WIPF1: variants seen among roughly 807,000 people sequenced by gnomAD.
WIPF1 encodes WAS/WASL-interacting protein family member 1.
In WIPF1, 13 loss-of-function variants were observed where a neutral mutation model predicts 35.4. The ratio of observed to expected loss-of-function variants is 0.37; its 90% CI spans 0.24 to 0.58. WIPF1 has a LOEUF of 0.58. Ranked by LOEUF, WIPF1 falls within the 20% of genes least tolerant of loss-of-function variation. The probability of loss-of-function intolerance (pLI) is 0.74; values close to 1 mark genes in which losing one functional copy is unlikely to be tolerated. For missense variants in WIPF1, 591 were observed against 667.0 expected (o/e 0.89, Z 1.25); for synonymous variants, 267 against 266.3 (o/e 1.00, Z -0.02).
intron 1 of WIPF1, among the ~76,000 whole-genome samples, chr2:174,670,659 G>A (rs1239833920): frequency 6.6e-6 from 1 of 152,212 alleles, no homozygotes; most frequent in Non-Finnish European, 1.5e-5. Context: ...AGCATGGTCT[G>A]CTGCTGAGCC....
chr2:174,624,732 G>C (rs1016593938), intron 1 of WIPF1, among the ~76,000 whole-genome samples: 38 of 152,310 alleles, frequency 2.5e-4, no homozygotes, highest in African/African-American at 8.4e-4. Context: ...AGAAGTCTTA[G>C]GGGTTCTGGG....
Position 174,637,917 on chromosome 2 carries a change from G to A in WIPF1, c.-39+44857C>T, listed in dbSNP as rs550908936. ...ACATATTTTTAACATTCCTGGAATC[G>A]AAGTGCACACTTAATGTCATGTCTT... is the stretch of plus-strand genomic sequence containing the variant. On this transcript the variant is annotated intron_variant, in intron 1 of 8. Coordinates refer to the WIPF1 transcript ENST00000272746. Among the ~76,000 whole-genome samples the A allele has an allele frequency of 2.4e-4, 37 of 152,286 alleles. 1 individual carries two copies. The highest frequency in any genetic ancestry group is 8.7e-4 in the African/African-American group (36 of 41,552).
rs560801075 is a variant in WIPF1 at position 174,649,540 on chromosome 2, A to G, written c.-39+33234T>C. Among the ~76,000 whole-genome samples, 3 of 152,074 alleles carry G rather than the reference A, an allele frequency of 2.0e-5. No individual in the cohort carries two copies. The East Asian group carries it at 5.8e-4, about 29-fold the overall frequency. ...AGTTATTCAAACTAGCCAACCCTAA[A>G]CTGTTTTCATCCTGCCCTGCCTTGC... On this transcript the variant is annotated intron_variant, in intron 1 of 8. Coordinates refer to the WIPF1 transcript ENST00000272746.
intron 2 of WIPF1, among the ~76,000 whole-genome samples, chr2:174,584,929 A>G (rs6433495): frequency 0.11 from 16,692 of 151,772 alleles, 1,102 homozygotes; most frequent in African/African-American, 0.18. Flanking sequence ...ACCAGGATGA[A>G]TCCACTGAAG....
At chr2:174,583,031 G>A (rs1405121580) in intron 2 of WIPF1, among the ~76,000 whole-genome samples, 1 of 152,140 alleles carries the variant, frequency 6.6e-6, no homozygotes, top group Non-Finnish European at 1.5e-5. Flanking sequence ...AGTTGAGGAG[G>A]AGCTGGGATT....
At chr2:174,618,551 A>C (rs566557094) in intron 1 of WIPF1, among the ~76,000 whole-genome samples, 75 of 152,334 alleles carry the variant, frequency 4.9e-4, no homozygotes, top group Non-Finnish European at 9.4e-4. Flanking sequence ...TAATAACAAC[A>C]GTAACAATGA....
intron 1 of WIPF1, among the ~76,000 whole-genome samples, chr2:174,636,614 A>T (rs541238167): frequency 6.6e-6 from 1 of 152,080 alleles, no homozygotes; most frequent in South Asian, 2.1e-4. Context: ...CCCATCCAGG[A>T]CTCCACATTA....
chr2:174,659,546 G>A (rs1169230901), intron 1 of WIPF1, among the ~76,000 whole-genome samples: 1 of 152,156 alleles, frequency 6.6e-6, no homozygotes, highest in Non-Finnish European at 1.5e-5. Context: ...TGGCTTCTAG[G>A]TGAGGATGCA....
intron 1 of WIPF1, among the ~76,000 whole-genome samples, chr2:174,678,282 CA>C (rs1203885633): frequency 6.6e-6 from 1 of 152,120 alleles, no homozygotes; most frequent in Non-Finnish European, 1.5e-5. Context: ...CCATAGTAAG[CA>C]ATGCTAAAAT....
chr2:174,671,718 C>T (rs978147578), intron 1 of WIPF1, among the ~76,000 whole-genome samples: 2 of 152,158 alleles, frequency 1.3e-5, no homozygotes, highest in East Asian at 1.9e-4. Context: ...AAATAAGCCC[C>T]GGTCTCCCGT....
intron 1 of WIPF1, among the ~76,000 whole-genome samples, chr2:174,641,045 A>T (rs946573710): frequency 6.6e-6 from 1 of 152,218 alleles, no homozygotes; most frequent in Middle Eastern, 3.2e-3. Context: ...TAGAATAAAA[A>T]CAGACACATA....
At chr2:174,570,297 A>G (rs1338999448) in intron 5 of WIPF1, 1 of 152,262 alleles carries the variant, frequency 6.6e-6, no homozygotes, top group Admixed American at 6.5e-5. Flanking sequence ...CCAAGTTTGT[A>G]AAAACATGCA....
intron 1 of WIPF1, among the ~76,000 whole-genome samples, chr2:174,623,008 T>C (rs1282528192): frequency 6.6e-6 from 1 of 152,190 alleles, no homozygotes; most frequent in African/African-American, 2.4e-5. Flanking sequence ...TAAATTTCAA[T>C]GATGGGGATG....
At chr2:174,593,063 A>G (rs1331365341) in intron 1 of WIPF1, among the ~76,000 whole-genome samples, 2 of 152,084 alleles carry the variant, frequency 1.3e-5, no homozygotes, top group Non-Finnish European at 2.9e-5. Flanking sequence ...AAAAATATAC[A>G]AAGATGAAAA....
At chr2:174,629,134 G>C (rs569631076) in intron 1 of WIPF1, among the ~76,000 whole-genome samples, 3 of 152,218 alleles carry the variant, frequency 2.0e-5, no homozygotes, top group South Asian at 4.2e-4. Context: ...AATTGCTTGA[G>C]CCTAGGGGTT....
chr2:174,635,923 G>T (rs867347872), intron 1 of WIPF1, among the ~76,000 whole-genome samples: 2 of 152,120 alleles, frequency 1.3e-5, no homozygotes, highest in South Asian at 4.1e-4. Flanking sequence ...CTCACCACAT[G>T]ATTGCACTTC....
At chr2:174,576,669 G>A (rs1212983438) in intron 3 of WIPF1, among the ~76,000 whole-genome samples, 1 of 152,158 alleles carries the variant, frequency 6.6e-6, no homozygotes, top group African/African-American at 2.4e-5. Flanking sequence ...AGATTACTGA[G>A]TATTCTGTCT....
At chr2:174,645,826 CT>C (rs890492524) in intron 1 of WIPF1, among the ~76,000 whole-genome samples, 6 of 152,198 alleles carry the variant, frequency 3.9e-5, no homozygotes, top group African/African-American at 1.2e-4. Flanking sequence ...CGTTGTGCAA[CT>C]GAATTCCAAA....
intron 1 of WIPF1, among the ~76,000 whole-genome samples, chr2:174,678,274 A>T (rs1239622727): frequency 2.6e-5 from 4 of 152,230 alleles, no homozygotes; most frequent in African/African-American, 9.6e-5. Context: ...ATATATACCC[A>T]TAGTAAGCAA....
Sources: allele counts gnomAD v4.1 joint callset (sites outside exome capture counted in the v4.1 genomes callset), GRCh38; gene constraint gnomAD v4.1.1; transcripts MANE v1.5; gene names NCBI Gene and HGNC (gene_info 2026-07-23, HGNC 2026-07-21).